SYT1: variants seen among roughly 807,000 people sequenced by gnomAD.
SYT1 encodes the protein synaptotagmin-1.
SYT1 carries 8 observed loss-of-function variants against 44.8 expected under a neutral mutation model. The ratio of observed to expected loss-of-function variants is 0.18; its 90% CI spans 0.10 to 0.32. The LOEUF (loss-of-function observed/expected upper bound fraction) is 0.32, where lower values mean the gene tolerates loss of function less well. Ranked by LOEUF, SYT1 falls within the 10% of genes least tolerant of loss-of-function variation. The probability of loss-of-function intolerance (pLI) is 1.00; values close to 1 mark genes in which losing one functional copy is unlikely to be tolerated. For synonymous variants in SYT1, 154 were observed against 188.8 expected (o/e 0.82, Z 1.51); for missense variants, 286 against 509.3 (o/e 0.56, Z 4.22).
At chr12:79,435,009 T>C (rs1353985992) in intron 9 of SYT1, among the ~76,000 whole-genome samples, 1 of 152,124 alleles carries the variant, frequency 6.6e-6, no homozygotes, top group Admixed American at 6.6e-5. Flanking sequence ...ATCACATTCT[T>C]TTAGACACAG....
chr12:79,287,676 G>A (rs1452395622), intron 5 of SYT1, among the ~76,000 whole-genome samples: 1 of 151,966 alleles, frequency 6.6e-6, no homozygotes, highest in South Asian at 2.1e-4. Flanking sequence ...TTCTTCCTAG[G>A]ACAATAAATC....
At chr12:79,328,807 T>C (rs540157732) in intron 8 of SYT1, among the ~76,000 whole-genome samples, 42 of 144,112 alleles carry the variant, frequency 2.9e-4, no homozygotes, top group African/African-American at 9.9e-4. Context: ...GATCACGCCA[T>C]AGCACTCCAG....
chr12:79,160,531 C>T (rs1489980797), intron 3 of SYT1, among the ~76,000 whole-genome samples: 6 of 152,044 alleles, frequency 3.9e-5, no homozygotes, highest in Non-Finnish European at 1.5e-5. Context: ...ATTTCTAGGT[C>T]TTGATAACTG....
chr12:79,213,125 C>T (rs76335971), intron 3 of SYT1, among the ~76,000 whole-genome samples: 3 of 152,158 alleles, frequency 2.0e-5, no homozygotes, highest in Non-Finnish European at 2.9e-5. Context: ...CTTTGAGATA[C>T]AACTAGAATT....
At chr12:78,897,922 A>G (rs1354564108) in intron 1 of SYT1, among the ~76,000 whole-genome samples, 5 of 151,968 alleles carry the variant, frequency 3.3e-5, no homozygotes, top group African/African-American at 1.2e-4. Flanking sequence ...AACCAAATAT[A>G]AGGGCCACCC....
intron 3 of SYT1, among the ~76,000 whole-genome samples, chr12:79,140,395 C>T (rs955818092): frequency 6.6e-6 from 1 of 152,138 alleles, no homozygotes; most frequent in Non-Finnish European, 1.5e-5. Context: ...TAACAGAACA[C>T]TCCTTGATAC....
intron 1 of SYT1, among the ~76,000 whole-genome samples, chr12:78,976,000 A>G (rs1483484710): frequency 6.6e-6 from 1 of 152,216 alleles, no homozygotes. Flanking sequence ...GGACACACAC[A>G]TACACAGCAA....
chr12:79,047,857 T>G (rs903878361), intron 3 of SYT1, among the ~76,000 whole-genome samples: 1 of 151,894 alleles, frequency 6.6e-6, no homozygotes, highest in Non-Finnish European at 1.5e-5. Context: ...GTTTCTAATC[T>G]CACAACTTAA....
At chr12:78,988,778 G>A (rs1429355342) in intron 2 of SYT1, among the ~76,000 whole-genome samples, 8 of 152,020 alleles carry the variant, frequency 5.3e-5, no homozygotes, top group Non-Finnish European at 1.0e-4. Context: ...AGCCATTGGA[G>A]GGTTTTCAAT....
chr12:79,268,217 T>A (rs1025069048), intron 4 of SYT1, among the ~76,000 whole-genome samples: 1 of 152,208 alleles, frequency 6.6e-6, no homozygotes, highest in African/African-American at 2.4e-5. Flanking sequence ...AAAGTTTTGA[T>A]GTATTGACAG....
At chr12:79,155,296 G>A (rs1870525011) in intron 3 of SYT1, among the ~76,000 whole-genome samples, 1 of 152,194 alleles carries the variant, frequency 6.6e-6, no homozygotes, top group Non-Finnish European at 1.5e-5. Context: ...GGGCTGCCAA[G>A]AGGGATTATA....
intron 2 of SYT1, among the ~76,000 whole-genome samples, chr12:78,994,625 C>G (rs1382533831): frequency 1.3e-5 from 2 of 150,510 alleles, no homozygotes; most frequent in Non-Finnish European, 3.0e-5. Flanking sequence ...AACCTCCACC[C>G]TCTGAGTTCA....
chr12:79,292,159 C>A, intron 6 of SYT1, 29 bp downstream of exon 6: 1 of 1,590,148 alleles, frequency 6.3e-7, no homozygotes, highest in South Asian at 1.2e-5. Context: ...TCTTCTAATT[C>A]CATTACATTT....
chr12:78,961,294 C>A (rs1005571895), intron 1 of SYT1, among the ~76,000 whole-genome samples: 3 of 151,898 alleles, frequency 2.0e-5, no homozygotes, highest in African/African-American at 7.2e-5. Flanking sequence ...TATTTTGTGG[C>A]GACATAATCT....
intron 1 of SYT1, among the ~76,000 whole-genome samples, chr12:78,954,956 A>T (rs1487567408): frequency 1.3e-5 from 2 of 152,164 alleles, no homozygotes; most frequent in Admixed American, 6.6e-5. Context: ...TGATAACAAC[A>T]GTTTTCAAGG....
intron 9 of SYT1, among the ~76,000 whole-genome samples, chr12:79,421,465 T>C (rs1286155472): frequency 6.6e-6 from 1 of 152,136 alleles, no homozygotes; most frequent in Non-Finnish European, 1.5e-5. Context: ...GGTCACACTT[T>C]GGAAAAATGC....
intron 9 of SYT1, among the ~76,000 whole-genome samples, chr12:79,365,216 G>A (rs1259697859): frequency 6.6e-6 from 1 of 151,550 alleles, no homozygotes; most frequent in Non-Finnish European, 1.5e-5. Context: ...TTACAAAATG[G>A]GATTTTAAAC....
intron 9 of SYT1, among the ~76,000 whole-genome samples, chr12:79,374,526 T>A (rs1883916645): frequency 6.6e-6 from 1 of 152,178 alleles, no homozygotes; most frequent in South Asian, 2.1e-4. Context: ...TTCATAATTT[T>A]CAAAAATAAT....
At chr12:79,105,339 T>C (rs963922528) in intron 3 of SYT1, among the ~76,000 whole-genome samples, 1 of 152,182 alleles carries the variant, frequency 6.6e-6, no homozygotes, top group African/African-American at 2.4e-5. Flanking sequence ...AAAGTAACCA[T>C]TCTAGAGTAT....
Sources: allele counts gnomAD v4.1 joint callset (sites outside exome capture counted in the v4.1 genomes callset), GRCh38; gene constraint gnomAD v4.1.1; transcripts MANE v1.5; gene names NCBI Gene and HGNC (gene_info 2026-07-23, HGNC 2026-07-21).